The following NEO1 variants were observed in gnomAD, a reference collection of about 807,000 sequenced individuals.
NEO1 encodes the protein neogenin 1.
In NEO1, 63 loss-of-function variants were observed where a neutral mutation model predicts 159.7. The ratio of observed to expected loss-of-function variants is 0.39; its 90% confidence interval spans 0.32 to 0.49. The LOEUF (loss-of-function observed/expected upper bound fraction) is 0.49, where lower values mean the gene tolerates loss of function less well. Among genes scored for constraint, NEO1 ranks in the 20% least tolerant of loss-of-function variants. NEO1 has a pLI of 0.85. For synonymous variants in NEO1, 633 were observed against 662.0 expected, an observed-to-expected ratio of 0.96 and a Z score of 0.67; for missense variants, 1,615 against 1,831.0, an observed-to-expected ratio of 0.88 and a Z score of 2.15.
At chr15:73,204,258 T>C (rs571508142) in intron 7 of NEO1, among the ~76,000 whole-genome samples, 1 of 152,040 alleles carries the variant, frequency 6.6e-6, no homozygotes, top group East Asian at 1.9e-4. Context: ...TTTCGCTTTG[T>C]CTTTGGTTTT....
chr15:73,230,051 G>C (rs1363683767), intron 7 of NEO1, among the ~76,000 whole-genome samples: 2 of 152,066 alleles, frequency 1.3e-5, no homozygotes, highest in Non-Finnish European at 2.9e-5. Flanking sequence ...GAGTAATACT[G>C]AACGCACAGG....
intron 11 of NEO1, among the ~76,000 whole-genome samples, chr15:73,250,172 T>A (rs1567601522): frequency 6.6e-6 from 1 of 151,162 alleles, no homozygotes; most frequent in Non-Finnish European, 1.5e-5. Context: ...CTAAATTAAG[T>A]TATATATATA....
chr15:73,270,529 T>C, intron 18 of NEO1, 75 bp downstream of exon 18: 2 of 1,475,510 alleles, frequency 1.4e-6, no homozygotes, highest in Non-Finnish European at 1.8e-6. Flanking sequence ...TGAATTGACA[T>C]ATTTACAAAA....
chr15:73,139,312 G>T lies in NEO1; in HGVS notation c.1015+3285G>T, dbSNP rs1164459086. Among the ~76,000 whole-genome samples the T allele has an allele frequency of 2.6e-5, 4 of 152,082 alleles. No individual in the cohort carries two copies. The East Asian group carries it at 7.7e-4, about 29-fold the overall frequency. Reference sequence around the variant, plus strand: ...ACCCCAGAAAACACAGGCAACGAAAGCAAAAATAGATAAATTGGATTGCAT... The same window carrying T: ...ACCCCAGAAAACACAGGCAACGAAATCAAAAATAGATAAATTGGATTGCAT... On this transcript the variant is annotated intron_variant, in intron 5 of 28. Transcript: ENST00000261908.
At chr15:73,124,957 A>T (rs1273774103) in intron 3 of NEO1, among the ~76,000 whole-genome samples, 1 of 152,208 alleles carries the variant, frequency 6.6e-6, no homozygotes, top group Non-Finnish European at 1.5e-5. Context: ...TAAAAAAAAG[A>T]ACTATTGCCA....
chr15:73,098,607 G>A (rs2070221879), intron 1 of NEO1, among the ~76,000 whole-genome samples: 1 of 152,118 alleles, frequency 6.6e-6, no homozygotes, highest in East Asian at 1.9e-4. Flanking sequence ...CAACTGCATA[G>A]TACCTCCTTG....
At chr15:73,242,599 G>A (rs953124684) in intron 8 of NEO1, among the ~76,000 whole-genome samples, 2 of 152,200 alleles carry the variant, frequency 1.3e-5, no homozygotes, top group African/African-American at 4.8e-5. Context: ...GGACCCAGGA[G>A]GTGGAGGCTT....
At chr15:73,238,759 G>A (rs909788679) in intron 8 of NEO1, among the ~76,000 whole-genome samples, 2 of 151,950 alleles carry the variant, frequency 1.3e-5, no homozygotes, top group African/African-American at 4.8e-5. Flanking sequence ...GTACTGGAAA[G>A]CCCATTAGAG....
chr15:73,237,704 A>G (rs1159804351), intron 8 of NEO1, among the ~76,000 whole-genome samples: 2 of 152,188 alleles, frequency 1.3e-5, no homozygotes, highest in Non-Finnish European at 2.9e-5. Flanking sequence ...GAGTTTTACA[A>G]GGGTAGAGAA....
intron 14 of NEO1, chr15:73,259,141 A>G (rs2040502108): frequency 1.0e-5 from 3 of 288,536 alleles, no homozygotes; most frequent in Non-Finnish European, 1.3e-5. Flanking sequence ...AATCAAGGCC[A>G]TTAAGTAGAT....
At chr15:73,131,419 AAATT>A (rs1476560362) in intron 4 of NEO1, among the ~76,000 whole-genome samples, 3 of 152,178 alleles carry the variant, frequency 2.0e-5, no homozygotes, top group Non-Finnish European at 4.4e-5. Context: ...ATACAAAACT[AAATT>A]AAACAGTTTT....
At chr15:73,055,373 A>G (rs753817292) in intron 1 of NEO1, among the ~76,000 whole-genome samples, 6 of 152,186 alleles carry the variant, frequency 3.9e-5, no homozygotes, top group Non-Finnish European at 7.4e-5. Context: ...TGCTTTGTAC[A>G]GTACATTTCA....
intron 20 of NEO1, among the ~76,000 whole-genome samples, chr15:73,274,340 G>A (rs1222544492): frequency 6.6e-6 from 1 of 152,166 alleles, no homozygotes; most frequent in Non-Finnish European, 1.5e-5. Context: ...GTGTGTTCTT[G>A]TGATGGATAG....
intron 1 of NEO1, among the ~76,000 whole-genome samples, chr15:73,109,326 C>A (rs983514496): frequency 1.3e-5 from 2 of 152,040 alleles, no homozygotes; most frequent in African/African-American, 4.8e-5. Flanking sequence ...ACAGAAATTT[C>A]CTTGAAAGGA....
chr15:73,102,911 G>C (rs2070480313), intron 1 of NEO1, among the ~76,000 whole-genome samples: 1 of 152,224 alleles, frequency 6.6e-6, no homozygotes, highest in East Asian at 1.9e-4. Context: ...CCTTCATCAT[G>C]TCCTCCTCCT....
intron 1 of NEO1, among the ~76,000 whole-genome samples, chr15:73,106,725 G>A (rs2151545021): frequency 6.6e-6 from 1 of 152,304 alleles, no homozygotes; most frequent in East Asian, 1.9e-4. Flanking sequence ...TCTTTGTGGT[G>A]TAGTTTTCCC....
At chr15:73,159,179 A>G (rs1308775452) in intron 5 of NEO1, among the ~76,000 whole-genome samples, 1 of 152,220 alleles carries the variant, frequency 6.6e-6, no homozygotes, top group Non-Finnish European at 1.5e-5. Context: ...AAAGCACAAT[A>G]AACTAGTTTT....
intron 7 of NEO1, among the ~76,000 whole-genome samples, chr15:73,228,397 C>CTT (rs201978738): frequency 7.1e-6 from 1 of 140,088 alleles, no homozygotes; most frequent in African/African-American, 2.6e-5. Flanking sequence ...AAGCTATTGC[C>CTT]TTTTTTTTTT....
intron 25 of NEO1, among the ~76,000 whole-genome samples, chr15:73,292,697 A>G (rs1357394159): frequency 6.6e-6 from 1 of 152,226 alleles, no homozygotes; most frequent in Non-Finnish European, 1.5e-5. Context: ...ATTCTCTTAC[A>G]TGCAGATGGG....
Sources: gnomAD v4.1 joint callset for allele counts (sites outside exome capture counted in the v4.1 genomes callset) on GRCh38, gnomAD v4.1.1 for gene constraint, MANE v1.5 for transcripts, NCBI Gene and HGNC (gene_info 2026-07-23, HGNC 2026-07-21) for gene names.